Variants in OSBPL9 observed in about 807,000 individuals in gnomAD.
The protein encoded by OSBPL9 is oxysterol binding protein like 9, also known as oxysterol-binding protein-related protein 9.
A neutral mutation model predicts 106.6 loss-of-function variants in OSBPL9; 40 were observed. The observed-to-expected ratio is 0.38, with a 90% CI of 0.29 to 0.49. The LOEUF is 0.49. Among genes scored for constraint, OSBPL9 ranks in the 20% least tolerant of loss-of-function variants. OSBPL9 has a pLI of 0.97. For synonymous variants in OSBPL9, 269 were observed against 295.4 expected (o/e 0.91, Z 0.92); for missense variants, 609 against 887.2 (o/e 0.69, Z 3.98).
chr1:51,569,761 A>G, the OSBPL9 span: 8 of 152,354 alleles, frequency 5.3e-5, no homozygotes, highest in African/African-American at 1.7e-4. Context: ...CTAGAAGCAG[A>G]AAGCACAGAG....
intron 2 of OSBPL9, among the ~76,000 whole-genome samples, chr1:51,609,748 A>ATTT (rs778782937): frequency 1.7e-5 from 2 of 119,380 alleles, no homozygotes; most frequent in African/African-American, 6.2e-5. Context: ...CTGAATGTCT[A>ATTT]TTTTTTTTTT....
chr1:51,530,187 A>AAAAAAC, the OSBPL9 span, among the ~76,000 whole-genome samples: 13 of 101,600 alleles, frequency 1.3e-4, no homozygotes, highest in Admixed American at 1.9e-4. Flanking sequence ...AAAAAAAAAA[A>AAAAAAC]AAAAACAAAA....
At chr1:51,651,815 A>G (rs1646537119) in intron 1 of OSBPL9, among the ~76,000 whole-genome samples, 176 bp from the exon 2 acceptor site, 1 of 152,182 alleles carries the variant, frequency 6.6e-6, no homozygotes. Flanking sequence ...ACTGTATGAC[A>G]TTTTCATTTA....
chr1:51,714,757 C>T (rs1660719585), intron 4 of OSBPL9, among the ~76,000 whole-genome samples: 1 of 152,176 alleles, frequency 6.6e-6, no homozygotes, highest in Non-Finnish European at 1.5e-5. Context: ...ATAGGAGTAA[C>T]ACAATTATTG....
chr1:51,589,768 T>C (rs990261547), intron 1 of OSBPL9, among the ~76,000 whole-genome samples: 2 of 149,600 alleles, frequency 1.3e-5, no homozygotes, highest in African/African-American at 2.5e-5. Context: ...GCATGGTGGC[T>C]TATGCCTGTA....
At chr1:51,649,231 C>T (rs1289695436) in intron 1 of OSBPL9, among the ~76,000 whole-genome samples, 1 of 152,164 alleles carries the variant, frequency 6.6e-6, no homozygotes, top group East Asian at 1.9e-4. Flanking sequence ...TTCAGCCTCC[C>T]AAGTAGCTGG....
the OSBPL9 span, among the ~76,000 whole-genome samples, chr1:51,554,431 G>C: frequency 6.6e-6 from 1 of 152,160 alleles, no homozygotes. Flanking sequence ...ACTCAAAATG[G>C]AAGGCAAAAC....
intron 3 of OSBPL9, among the ~76,000 whole-genome samples, chr1:51,683,863 A>G (rs1248529453): frequency 1.3e-5 from 2 of 152,128 alleles, no homozygotes; most frequent in African/African-American, 4.8e-5. Flanking sequence ...ATTTAAATGT[A>G]TAAACTTTAA....
At chr1:51,600,548 A>C (rs1283740075) in intron 2 of OSBPL9, among the ~76,000 whole-genome samples, 2 of 152,200 alleles carry the variant, frequency 1.3e-5, no homozygotes, top group Admixed American at 6.5e-5. Flanking sequence ...CTGGTTTTAA[A>C]AGAAATTAAA....
At chr1:51,755,022 G>T (rs114233205) in intron 8 of OSBPL9, among the ~76,000 whole-genome samples, 2,787 of 152,206 alleles carry the variant, frequency 0.018, 46 homozygotes, top group African/African-American at 0.044. Context: ...GCTTAGACTG[G>T]TCTCAAACTC....
Position 51,787,860 on chromosome 1 carries a change from T to C in OSBPL9, c.*71T>C, listed in dbSNP as rs1253970020. ...TAATTCAGCAACAAACAATCTTCCT[T>C]TGGGAGAAACCTGTTCATTCCAATC... On this transcript the variant is annotated 3_prime_UTR_variant, in exon 24 of 24. Transcript: ENST00000428468. 1 of 1,367,262 alleles carries C rather than the reference T, an allele frequency of 7.3e-7. No homozygotes were observed. The highest frequency in any genetic ancestry group is 1.4e-5 in the African/African-American group (1 of 69,754). 84.7% of individuals were successfully genotyped at this position (1,367,262 alleles called of 1,614,324 possible).
upstream of OSBPL9, chr1:51,617,013 CAGGACCCG>C: frequency 2.0e-6 from 3 of 1,509,866 alleles, no homozygotes; most frequent in Non-Finnish European, 1.8e-6. Flanking sequence ...AGGACCCGCC[CAGGACCCG>C]CCCCGCCCCC....
chr1:51,544,912 C>T, the OSBPL9 span, among the ~76,000 whole-genome samples: 7 of 132,468 alleles, frequency 5.3e-5, no homozygotes, highest in East Asian at 8.9e-4. Context: ...GGCTTGATCT[C>T]GGCTCACTGC....
At chr1:51,604,086 C>G (rs546219772) in intron 2 of OSBPL9, among the ~76,000 whole-genome samples, 2 of 152,100 alleles carry the variant, frequency 1.3e-5, no homozygotes, top group Non-Finnish European at 2.9e-5. Flanking sequence ...GTTCCCTGGT[C>G]AGAAAGAAAG....
At chr1:51,662,699 A>G (rs777199951) in intron 2 of OSBPL9, among the ~76,000 whole-genome samples, 1 of 152,132 alleles carries the variant, frequency 6.6e-6, no homozygotes, top group Non-Finnish European at 1.5e-5. Context: ...AATTGAATCT[A>G]GCAAGATAAG....
intron 3 of OSBPL9, among the ~76,000 whole-genome samples, chr1:51,689,907 A>G (rs1654608266): frequency 6.6e-6 from 1 of 152,138 alleles, no homozygotes; most frequent in Non-Finnish European, 1.5e-5. Context: ...CAATGACATG[A>G]CCCAGGTTCA....
At chr1:51,581,093 A>AT (rs539655452) in intron 1 of OSBPL9, among the ~76,000 whole-genome samples, 26,825 of 138,426 alleles carry the variant, frequency 0.19, 3,436 homozygotes, top group African/African-American at 0.38. Context: ...TAATTTTTGT[A>AT]TTTTTTTTTT....
At chr1:51,657,738 C>G (rs1646901883) in intron 2 of OSBPL9, among the ~76,000 whole-genome samples, 1 of 152,118 alleles carries the variant, frequency 6.6e-6, no homozygotes. Flanking sequence ...CTCTCCCATA[C>G]TAGTCAAAAA....
At chr1:51,579,359 TGTAAATATTTTTAGATTTGAAG>T (rs1156621880) in intron 1 of OSBPL9, among the ~76,000 whole-genome samples, 1 of 152,216 alleles carries the variant, frequency 6.6e-6, no homozygotes, top group Non-Finnish European at 1.5e-5. Flanking sequence ...GGTAAAGAGA[TGTAAATATTTTTAGATTTGAAG>T]GTAAAAGTTG....
Sources: gnomAD v4.1 joint callset for allele counts (sites outside exome capture counted in the v4.1 genomes callset) on GRCh38, gnomAD v4.1.1 for gene constraint, MANE v1.5 for transcripts, NCBI Gene and HGNC (gene_info 2026-07-23, HGNC 2026-07-21) for gene names.